PHLPP1: variants seen among roughly 807,000 people sequenced by gnomAD.
The protein encoded by PHLPP1 is PH domain leucine-rich repeat-containing protein phosphatase 1.
A neutral mutation model predicts 117.2 loss-of-function variants in PHLPP1; 42 were observed. The observed-to-expected ratio is 0.36, with a 90% confidence interval of 0.28 to 0.46. PHLPP1 has a LOEUF of 0.46. Ranked by LOEUF, PHLPP1 falls within the 20% of genes least tolerant of loss-of-function variation. The pLI is 1.00. For missense variants in PHLPP1, 2,084 were observed against 2,241.9 expected (o/e 0.93, Z 1.42); for synonymous variants, 1,042 against 970.7 (o/e 1.07, Z -1.37).
At chr18:62,899,510 T>C (rs1916660696) in intron 6 of PHLPP1, among the ~76,000 whole-genome samples, 2 of 152,202 alleles carry the variant, frequency 1.3e-5, no homozygotes, top group Admixed American at 6.5e-5. Flanking sequence ...TTCCATAGCC[T>C]CTTTTTTAAA....
intron 10 of PHLPP1, among the ~76,000 whole-genome samples, chr18:62,931,602 A>C (rs1265953531): frequency 6.6e-6 from 1 of 151,290 alleles, no homozygotes; most frequent in Non-Finnish European, 1.5e-5. Flanking sequence ...AGATTAACAA[A>C]AAAAAAAAAG....
In PHLPP1 at chr18:62,793,012, T is replaced by C. The variant is rs534282768; in HGVS notation, c.1577-37023T>C. On this transcript the variant is annotated intron_variant, in intron 1 of 16. Coordinates refer to ENST00000262719, the MANE Select transcript of PHLPP1 (RefSeq NM_194449.4). ...CAACATGGTGTAACCCTGTCTCTAC[T>C]AAAAATACAAAAATTAGCTGGGCAT... Among the ~76,000 whole-genome samples the C allele has an allele frequency of 1.3e-4, 20 of 150,998 alleles. No homozygotes were observed. The East Asian group carries it at 4.0e-3, about 30-fold the overall frequency.
chr18:62,840,830 T>C (rs1017912505), intron 3 of PHLPP1, among the ~76,000 whole-genome samples: 3 of 152,236 alleles, frequency 2.0e-5, no homozygotes, highest in Non-Finnish European at 2.9e-5. Context: ...TACCACAATA[T>C]ATCTCTCAAG....
At chr18:62,977,428 C>CAAA (rs3087160) in intron 16 of PHLPP1, among the ~76,000 whole-genome samples, 4 of 74,238 alleles carry the variant, frequency 5.4e-5, no homozygotes, top group Non-Finnish European at 1.0e-4. Context: ...GTACACGTGG[C>CAAA]AAAAAAAAAA....
rs190856530 is a variant in PHLPP1 at position 62,717,226 on chromosome 18, T to G, written c.1543T>G (p.Ser515Ala). 1.7e-5 allele frequency: 27 copies of G among 1,602,330 alleles called. No individual in the cohort carries two copies. Among genetic ancestry groups the G allele is most frequent in the Non-Finnish European group, 2.3e-5 (27 of 1,172,492 alleles). The change falls in exon 1 of 17, where the codon TCG (serine) becomes GCG (alanine). Residue 515 changes from serine to alanine, a missense_variant. By Grantham distance (99) the Ser-to-Ala change is moderately conservative (BLOSUM62 1). This residue lies in a region of PHLPP1 where 1,365 missense variants were observed against 1,605.9 expected (regional missense o/e 0.85). Coordinates refer to ENST00000262719, the MANE Select transcript of PHLPP1 (RefSeq NM_194449.4). Reference protein sequence around the residue: ...LWRVQEEGMDSEIGCLIRFYA... With the variant: ...LWRVQEEGMDAEIGCLIRFYA... The stretch of plus-strand genomic sequence containing the variant: ...GAGGGTGCAGGAGGAAGGCATGGAC[T>G]CGGAGATTGGCTGCCTCATCCGCTT...
intron 1 of PHLPP1, among the ~76,000 whole-genome samples, chr18:62,726,373 G>A (rs1485673754): frequency 6.7e-6 from 1 of 148,566 alleles, no homozygotes; most frequent in African/African-American, 2.5e-5. Flanking sequence ...TAATTTCTTT[G>A]GGAGTTACAT....
At chr18:62,917,181 A>G (rs556768408) in intron 9 of PHLPP1, among the ~76,000 whole-genome samples, 2 of 148,108 alleles carry the variant, frequency 1.4e-5, no homozygotes, top group East Asian at 1.9e-4. Flanking sequence ...ATATTTGTAT[A>G]TATTATACAT....
intron 3 of PHLPP1, among the ~76,000 whole-genome samples, chr18:62,856,550 C>T (rs1008199036): frequency 4.6e-5 from 7 of 152,120 alleles, no homozygotes; most frequent in African/African-American, 1.7e-4. Context: ...ACCTCAGCCT[C>T]CCGAGTAGCT....
chr18:62,879,917 C>T lies in PHLPP1; in HGVS notation c.2067-15094C>T, dbSNP rs74816345. On this transcript the variant is annotated intron_variant, in intron 4 of 16. Coordinates refer to ENST00000262719, the MANE Select transcript of PHLPP1 (RefSeq NM_194449.4). ...TCCCCCTCTGTCTATTGAACTCCTA[C>T]TCATGTTCCTTAGGTAAAAGTTTTC... 9.4e-3 allele frequency among the ~76,000 whole-genome samples: 1,425 copies of T among 152,190 alleles called. 29 individuals are homozygous for T. The highest frequency in any genetic ancestry group is 0.032 in the African/African-American group (1,325 of 41,510).
At chr18:62,903,953 G>T (rs1229289644) in intron 7 of PHLPP1, among the ~76,000 whole-genome samples, 1 of 152,076 alleles carries the variant, frequency 6.6e-6, no homozygotes, top group Non-Finnish European at 1.5e-5. Context: ...TAAGATGAAG[G>T]TTTCCATTCC....
chr18:62,952,513 C>T (rs1910492861), intron 12 of PHLPP1, among the ~76,000 whole-genome samples: 1 of 152,134 alleles, frequency 6.6e-6, no homozygotes, highest in African/African-American at 2.4e-5. Flanking sequence ...ATCATGGAGA[C>T]ACTGTATGTA....
chr18:62,786,825 A>AT (rs1220448653), intron 1 of PHLPP1, among the ~76,000 whole-genome samples: 3 of 152,164 alleles, frequency 2.0e-5, no homozygotes, highest in African/African-American at 7.2e-5. Flanking sequence ...ATTTGTCTTC[A>AT]TTTTTTGCAA....
At chr18:62,898,030 C>CTCTT (rs1384888047) in intron 6 of PHLPP1, among the ~76,000 whole-genome samples, 4 of 152,220 alleles carry the variant, frequency 2.6e-5, no homozygotes, top group African/African-American at 7.2e-5. Flanking sequence ...CCTCTTTCTC[C>CTCTT]TCTTTGTACA....
intron 16 of PHLPP1, among the ~76,000 whole-genome samples, chr18:62,977,688 C>G (rs1342231770): frequency 6.6e-6 from 1 of 152,204 alleles, no homozygotes; most frequent in Non-Finnish European, 1.5e-5. Context: ...CTTTCAAGTC[C>G]TCTCTGGACC....
In PHLPP1 at chr18:62,796,084, C is replaced by T. The variant is rs139850134; in HGVS notation, c.1577-33951C>T. On this transcript the variant is annotated intron_variant, in intron 1 of 16. Coordinates refer to ENST00000262719, the MANE Select transcript of PHLPP1 (RefSeq NM_194449.4). ...CTTGTTAGTTTCCTGTGTGAGTCCACGGTTTACAAAGCAGGTATAGCTTGT... is the reference window on the plus strand; with the variant it reads ...CTTGTTAGTTTCCTGTGTGAGTCCATGGTTTACAAAGCAGGTATAGCTTGT... Among the ~76,000 whole-genome samples, 411 of 152,276 alleles carry T rather than the reference C, an allele frequency of 2.7e-3. 2 individuals carry two copies. Among genetic ancestry groups the T allele is most frequent in the South Asian group, 5.2e-3 (25 of 4,824 alleles).
chr18:62,791,994 G>T (rs957725343), intron 1 of PHLPP1, among the ~76,000 whole-genome samples: 1 of 150,592 alleles, frequency 6.6e-6, no homozygotes, highest in African/African-American at 2.4e-5. Context: ...TCTGAATAAA[G>T]AAATAATGAA....
At position 62,972,719 on chromosome 18, in the gene PHLPP1, G is replaced by T; in HGVS notation, c.3755+11G>T. 6.3e-7 allele frequency: 1 copy of T among 1,590,256 alleles called. No homozygotes were observed. The highest frequency in any genetic ancestry group is 1.7e-4 in the Middle Eastern group (1 of 6,008). Reference sequence around the variant, plus strand: ...CATTGTCATGCAAAGGTAAAACTCAGAGTTCCTGCTTACCTGCTGTGTGTT... The same window carrying T: ...CATTGTCATGCAAAGGTAAAACTCATAGTTCCTGCTTACCTGCTGTGTGTT... On this transcript the variant is annotated intron_variant, in intron 15 of 16. Coordinates refer to ENST00000262719, the MANE Select transcript of PHLPP1 (RefSeq NM_194449.4).
chr18:62,888,855 G>A (rs776665914), intron 4 of PHLPP1, among the ~76,000 whole-genome samples: 5 of 152,106 alleles, frequency 3.3e-5, no homozygotes, highest in Non-Finnish European at 5.9e-5. Context: ...TTTAAATGAA[G>A]GTAAAGTGAA....
chr18:62,959,893 G>A (rs1910716439), intron 13 of PHLPP1, among the ~76,000 whole-genome samples: 1 of 152,102 alleles, frequency 6.6e-6, no homozygotes, highest in Admixed American at 6.5e-5. Context: ...TGAGTGTCCT[G>A]AGGAAGGCGT....
Sources: allele counts gnomAD v4.1 joint callset (sites outside exome capture counted in the v4.1 genomes callset), GRCh38; gene constraint gnomAD v4.1.1; regional missense constraint gnomAD v4.1.1; transcripts MANE v1.5; gene names NCBI Gene and HGNC (gene_info 2026-07-23, HGNC 2026-07-21).